The following SOX5 variants were observed in gnomAD, a reference collection of about 807,000 sequenced individuals.
The protein encoded by SOX5 is SRY-box transcription factor 5.
A neutral mutation model predicts 92.0 loss-of-function variants in SOX5; 9 were observed. That is an observed-to-expected ratio of 0.10 (90% CI 0.06 to 0.17). The LOEUF is 0.17. SOX5 is among the 10% of genes least tolerant of loss of function. The probability of loss-of-function intolerance (pLI) is 1.00; values close to 1 mark genes in which losing one functional copy is unlikely to be tolerated. For missense variants in SOX5, 642 were observed against 944.5 expected, an observed-to-expected ratio of 0.68 and a Z score of 4.20; for synonymous variants, 344 against 336.3, an observed-to-expected ratio of 1.02 and a Z score of -0.25.
At chr12:24,282,195 G>A (rs1029382380) in intron 2 of SOX5, among the ~76,000 whole-genome samples, 3 of 152,072 alleles carry the variant, frequency 2.0e-5, no homozygotes, top group African/African-American at 7.2e-5. Context: ...AAAGAAAAGG[G>A]ATAAACGAGG....
chr12:23,638,719 C>CA (rs2079606819), intron 8 of SOX5, among the ~76,000 whole-genome samples: 1 of 151,944 alleles, frequency 6.6e-6, no homozygotes, highest in South Asian at 2.1e-4. Context: ...AGGCTGAAGT[C>CA]AAGGTCAAGG....
intron 4 of SOX5, among the ~76,000 whole-genome samples, chr12:24,058,589 G>T (rs560363155): frequency 1.2e-3 from 188 of 152,238 alleles, no homozygotes; most frequent in African/African-American, 4.3e-3. Context: ...CTTGTTTATT[G>T]AGTGTTATTA....
At chr12:24,093,194 G>C (rs1222953098) in intron 4 of SOX5, among the ~76,000 whole-genome samples, 1 of 152,108 alleles carries the variant, frequency 6.6e-6, no homozygotes, top group African/African-American at 2.4e-5. Context: ...TGCCCTATCA[G>C]TCAAAATGTC....
intron 4 of SOX5, among the ~76,000 whole-genome samples, chr12:24,031,171 C>T (rs965189575): frequency 2.0e-5 from 3 of 149,922 alleles, no homozygotes; most frequent in Admixed American, 6.7e-5. Flanking sequence ...AATAGAACTA[C>T]CATATGATCC....
In SOX5 at chr12:23,540,107, A is replaced by G. The variant is rs958568092; in HGVS notation, c.1771+3104T>C. On this transcript the variant is annotated intron_variant, in intron 13 of 14. Coordinates refer to ENST00000451604, the MANE Select transcript of SOX5 (RefSeq NM_006940.6). ...GGATAAACAACAATAAAAAAAAAAA[A>G]AGAGAGAAAAAATATCTACTTGATT... is the stretch of plus-strand genomic sequence containing the variant. 5.7e-4 allele frequency among the ~76,000 whole-genome samples: 87 copies of G among 151,432 alleles called. 3 individuals carry two copies. Among genetic ancestry groups the G allele is most frequent in the Admixed American group, 2.2e-3 (34 of 15,200 alleles).
intron 1 of SOX5, among the ~76,000 whole-genome samples, chr12:24,557,862 T>C (rs998998664): frequency 6.6e-6 from 1 of 152,232 alleles, no homozygotes; most frequent in Non-Finnish European, 1.5e-5. Context: ...CTCCCCAAGA[T>C]ACATTTTTAT....
intron 1 of SOX5, among the ~76,000 whole-genome samples, chr12:24,423,738 C>G (rs1213694387): frequency 6.6e-6 from 1 of 152,126 alleles, no homozygotes; most frequent in African/African-American, 2.4e-5. Context: ...GCCACAGGAG[C>G]CTCAAGGGGC....
At chr12:23,561,713 C>T (rs1436496600) in intron 11 of SOX5, among the ~76,000 whole-genome samples, 1 of 151,710 alleles carries the variant, frequency 6.6e-6, no homozygotes, top group Non-Finnish European at 1.5e-5. Context: ...ATGAAGGCTT[C>T]CTGTCCAAAA....
intron 3 of SOX5, among the ~76,000 whole-genome samples, chr12:24,220,119 G>A (rs1960049541): frequency 6.6e-6 from 1 of 151,852 alleles, no homozygotes; most frequent in African/African-American, 2.4e-5. Context: ...AGCAGATATT[G>A]TAATGTATAT....
chr12:24,486,251 T>C (rs1566284140), intron 1 of SOX5, among the ~76,000 whole-genome samples: 2 of 152,162 alleles, frequency 1.3e-5, no homozygotes, highest in Non-Finnish European at 1.5e-5. Context: ...ATGCCTTCAG[T>C]AGATAATGTG....
intron 2 of SOX5, among the ~76,000 whole-genome samples, chr12:24,362,265 A>T (rs185890290): frequency 6.6e-6 from 1 of 152,292 alleles, no homozygotes; most frequent in Admixed American, 6.5e-5. Flanking sequence ...ATTTCCTTCA[A>T]TATCACAGCC....
At chr12:23,568,586 G>T (rs1336185055) in intron 10 of SOX5, among the ~76,000 whole-genome samples, 1 of 152,122 alleles carries the variant, frequency 6.6e-6, no homozygotes, top group Non-Finnish European at 1.5e-5. Context: ...GTCTGGCACA[G>T]AATTCATCAT....
intron 2 of SOX5, among the ~76,000 whole-genome samples, chr12:23,866,573 C>A (rs527612257): frequency 6.6e-6 from 1 of 152,258 alleles, no homozygotes; most frequent in African/African-American, 2.4e-5. Context: ...AAGCAATATT[C>A]TCTTTATTGT....
chr12:24,265,529 G>T (rs1942885098), intron 3 of SOX5, among the ~76,000 whole-genome samples: 2 of 152,164 alleles, frequency 1.3e-5, no homozygotes, highest in Non-Finnish European at 2.9e-5. Flanking sequence ...GGGCAACAGA[G>T]TGAGAGTCCA....
intron 4 of SOX5, among the ~76,000 whole-genome samples, chr12:23,968,655 T>G (rs540217541): frequency 6.6e-6 from 1 of 152,316 alleles, no homozygotes; most frequent in East Asian, 1.9e-4. Flanking sequence ...CCAATAAATT[T>G]CTTTTCATTA....
At chr12:24,443,401 C>T (rs1010291044) in intron 1 of SOX5, among the ~76,000 whole-genome samples, 1 of 152,184 alleles carries the variant, frequency 6.6e-6, no homozygotes, top group Non-Finnish European at 1.5e-5. Flanking sequence ...CGATTTCCAT[C>T]ACACCCTGTT....
chr12:23,987,683 C>T (rs948816941), intron 4 of SOX5, among the ~76,000 whole-genome samples: 6 of 152,096 alleles, frequency 3.9e-5, no homozygotes, highest in Non-Finnish European at 5.9e-5. Context: ...GTCCCAGCTA[C>T]GAGGGAGGCT....
chr12:23,666,928 C>G (rs2083905428), intron 6 of SOX5, among the ~76,000 whole-genome samples: 1 of 152,152 alleles, frequency 6.6e-6, no homozygotes, highest in African/African-American at 2.4e-5. Flanking sequence ...TCCTAGCGTT[C>G]TTACGATTCT....
At chr12:23,862,323 G>A (rs2096765257) in intron 2 of SOX5, among the ~76,000 whole-genome samples, 1 of 152,084 alleles carries the variant, frequency 6.6e-6, no homozygotes, top group Admixed American at 6.6e-5. Flanking sequence ...AAAATTGCAT[G>A]AGCAATAATA....
Sources: gnomAD v4.1 joint callset for allele counts (sites outside exome capture counted in the v4.1 genomes callset) on GRCh38, gnomAD v4.1.1 for gene constraint, MANE v1.5 for transcripts, NCBI Gene and HGNC (gene_info 2026-07-23, HGNC 2026-07-21) for gene names.